The following PHKB variants were observed in gnomAD, a reference collection of about 807,000 sequenced individuals.
PHKB encodes the protein phosphorylase b kinase regulatory subunit beta.
In PHKB, 122 loss-of-function variants were observed where a neutral mutation model predicts 152.1. The observed-to-expected ratio is 0.80, with a 90% confidence interval of 0.69 to 0.93. PHKB has a LOEUF of 0.93. PHKB is among the 40% of genes least tolerant of loss of function. The probability of loss-of-function intolerance (pLI) is 0.00; values close to 1 mark genes in which losing one functional copy is unlikely to be tolerated. For synonymous variants in PHKB, 436 were observed against 464.9 expected (o/e 0.94, Z 0.80); for missense variants, 1,304 against 1,328.4 (o/e 0.98, Z 0.29).
At chr16:47,515,676 C>A in intron 6 of PHKB, 75 bp downstream of exon 6, 1 of 742,100 alleles carries the variant, frequency 1.3e-6, no homozygotes, top group South Asian at 1.5e-5. Flanking sequence ...GTTTTCACAA[C>A]TTATTTTTAG....
chr16:47,548,200 A>G (rs1053601604), intron 7 of PHKB: 3 of 152,620 alleles, frequency 2.0e-5, no homozygotes, highest in African/African-American at 7.2e-5. Flanking sequence ...TCATATTTTA[A>G]TAACAAAATA....
At chr16:47,562,810 T>C (rs1222614746) in intron 7 of PHKB, among the ~76,000 whole-genome samples, 3 of 152,242 alleles carry the variant, frequency 2.0e-5, no homozygotes, top group African/African-American at 7.2e-5. Flanking sequence ...TGCTGTTTGA[T>C]AGCATTATAC....
chr16:47,595,101 G>A lies in PHKB; in HGVS notation c.1204+887G>A, dbSNP rs368877610. On this transcript the variant is annotated intron_variant, in intron 12 of 30. Coordinates refer to ENST00000323584, the MANE Select transcript of PHKB (RefSeq NM_000293.3). The stretch of plus-strand genomic sequence containing the variant: ...TGCTACAAATAATCACTTGTCCAAT[G>A]TGAGAAATAATGTATTAAATTTTGT... 3.9e-5 allele frequency among the ~76,000 whole-genome samples: 6 copies of A among 152,278 alleles called. No individual in the cohort carries two copies. In the South Asian group the frequency reaches 6.2e-4, roughly 16 times the overall value.
chr16:47,690,891 T>A (rs1347312307), intron 27 of PHKB, among the ~76,000 whole-genome samples: 2 of 152,080 alleles, frequency 1.3e-5, no homozygotes, highest in African/African-American at 4.8e-5. Context: ...ATAAGACACA[T>A]CAAAATCATA....
intron 14 of PHKB, among the ~76,000 whole-genome samples, chr16:47,617,039 C>T (rs993268778): frequency 1.3e-5 from 2 of 151,834 alleles, no homozygotes; most frequent in African/African-American, 4.8e-5. Flanking sequence ...TCTGGTAAAC[C>T]AACAACCTTC....
At chr16:47,606,014 G>C (rs1057264199) in intron 13 of PHKB, among the ~76,000 whole-genome samples, 1 of 152,162 alleles carries the variant, frequency 6.6e-6, no homozygotes, top group East Asian at 1.9e-4. Context: ...TTGTTGTGAG[G>C]ATTAATGAAT....
rs772753297 is a variant in PHKB, at chr16:47,589,090, A to C, written c.1056A>C (p.Pro352=). 21 of 1,610,782 alleles carry C rather than the reference A, an allele frequency of 1.3e-5. No homozygotes were observed. The highest frequency in any genetic ancestry group is 1.7e-5 in the Non-Finnish European group (20 of 1,177,090). The part of the protein sequence containing the change: ...LEDPNRCYYK[P]AEIKLFDGIE... ...ATCCCAACAGATGCTACTACAAGCC[A>C]GCTGAAATTAAGGTATTAAAAAATA... is the stretch of plus-strand genomic sequence containing the variant. The change falls in exon 10 of 31, where the codon CCA becomes CCC. Residue 352 remains proline, a synonymous_variant. Coordinates refer to ENST00000323584, the MANE Select transcript of PHKB (RefSeq NM_000293.3).
chr16:47,696,557 G>A lies in PHKB; in HGVS notation c.3003+69G>A, dbSNP rs563886343. ...CTGCTCCGTGAAAACTAGTATAAGGGAAACTGCCTATGAGACCCAGAATCC... is the reference window on the plus strand; with the variant it reads ...CTGCTCCGTGAAAACTAGTATAAGGAAAACTGCCTATGAGACCCAGAATCC... On this transcript the variant is annotated intron_variant, in intron 29 of 30. Transcript: ENST00000323584. 1.0e-4 allele frequency: 90 copies of A among 870,892 alleles called. No individual in the cohort carries two copies. In the African/African-American group the frequency reaches 1.4e-3, roughly 14 times the overall value. 53.9% of individuals were successfully genotyped at this position (870,892 alleles called of 1,614,324 possible).
In PHKB at chr16:47,664,943, C is replaced by T; in HGVS notation, c.2395C>T (p.His799Tyr). Residue 799 changes from histidine to tyrosine, a missense_variant, in exon 25 of 31, where the codon CAC (histidine) becomes TAC (tyrosine). Transcript: ENST00000323584. Reference protein sequence around the residue: ...TQKFSSSIAPHITTFLVHGKQ... With the variant: ...TQKFSSSIAPYITTFLVHGKQ... ...GAAATTTTCTTCCTCTATAGCCCCACACATTACTACTTTTCTGGTACATGG... is the reference window on the plus strand; with the variant it reads ...GAAATTTTCTTCCTCTATAGCCCCATACATTACTACTTTTCTGGTACATGG... 1 of 1,613,322 alleles carries T rather than the reference C, an allele frequency of 6.2e-7. No individual in the cohort carries two copies. The highest frequency in any genetic ancestry group is 8.5e-7 in the Non-Finnish European group (1 of 1,179,320).
intron 7 of PHKB, among the ~76,000 whole-genome samples, chr16:47,555,727 A>T (rs1254293349): frequency 1.3e-5 from 2 of 152,168 alleles, no homozygotes; most frequent in African/African-American, 4.8e-5. Context: ...ATGTAAGATC[A>T]TGTTGGCTTA....
chr16:47,562,151 T>G (rs1971486346), intron 7 of PHKB: 1 of 152,240 alleles, frequency 6.6e-6, no homozygotes, highest in African/African-American at 2.4e-5. Flanking sequence ...AGGAGCATAA[T>G]GGCTTGAGGA....
chr16:47,691,562 G>A (rs1481485258), intron 27 of PHKB, among the ~76,000 whole-genome samples: 1 of 152,058 alleles, frequency 6.6e-6, no homozygotes, highest in Non-Finnish European at 1.5e-5. Flanking sequence ...AAAATTAGCT[G>A]GATGTGGCGG....
At chr16:47,512,382 A>G (rs2151649959) in intron 5 of PHKB, among the ~76,000 whole-genome samples, 1 of 152,320 alleles carries the variant, frequency 6.6e-6, no homozygotes, top group South Asian at 2.1e-4. Flanking sequence ...GTGCAAAAGA[A>G]GGAAGACTAC....
chr16:47,590,983 A>G (rs973926423), intron 10 of PHKB: 2 of 151,978 alleles, frequency 1.3e-5, no homozygotes, highest in Non-Finnish European at 2.9e-5. Flanking sequence ...ACTTACCTCC[A>G]TCTCTCTTGC....
chr16:47,673,414 A>G (rs1973670756), intron 26 of PHKB, among the ~76,000 whole-genome samples: 1 of 152,134 alleles, frequency 6.6e-6, no homozygotes, highest in South Asian at 2.1e-4. Context: ...GTGCCACATG[A>G]TATTGGAATT....
chr16:47,649,093 C>T lies in PHKB; in HGVS notation c.1693-7C>T, dbSNP rs1183659385. The T allele has an allele frequency of 9.8e-6, 15 of 1,527,640 alleles. No homozygotes were observed. The highest frequency in any genetic ancestry group is 3.4e-5 in the South Asian group (3 of 89,270). The allele number at this position is 1,527,640 out of a possible 1,614,324, so 94.6% of individuals were successfully genotyped here. ...AGTTATTTGTTTTAAAACTTTTTCC[C>T]TTACAGATTTATCGCATTCTAGGAA... On this transcript the variant is annotated splice_polypyrimidine_tract_variant and splice_region_variant and intron_variant, in intron 17 of 30. Transcript: ENST00000323584.
At chr16:47,553,882 A>G (rs956018153) in intron 7 of PHKB, among the ~76,000 whole-genome samples, 2 of 152,144 alleles carry the variant, frequency 1.3e-5, no homozygotes, top group Admixed American at 1.3e-4. Context: ...CAGAACGTCA[A>G]AGATTGCCAC....
rs1972076475 is a variant in PHKB, at chr16:47,594,039, A to G, written c.1127-98A>G. 1.0e-5 allele frequency: 7 copies of G among 668,776 alleles called. No homozygotes were observed. In the South Asian group the frequency reaches 1.1e-4, roughly 10 times the overall value. 41.4% of individuals were successfully genotyped at this position (668,776 alleles called of 1,614,324 possible). ...TTACCATTGGCATAGAAAATTACCAAAATAATTGTAACTGGGCTAATATAT... is the reference window on the plus strand; with the variant it reads ...TTACCATTGGCATAGAAAATTACCAGAATAATTGTAACTGGGCTAATATAT... On this transcript the variant is annotated intron_variant, in intron 11 of 30. Transcript: ENST00000323584.
intron 28 of PHKB, 139 bp downstream of exon 28, chr16:47,693,646 T>C: frequency 2.1e-6 from 2 of 971,482 alleles, no homozygotes; most frequent in Middle Eastern, 6.3e-4. Flanking sequence ...TACTAGAAAA[T>C]AAGACATCTA....
Sources: allele counts gnomAD v4.1 joint callset (sites outside exome capture counted in the v4.1 genomes callset), GRCh38; gene constraint gnomAD v4.1.1; transcripts MANE v1.5; gene names NCBI Gene and HGNC (gene_info 2026-07-23, HGNC 2026-07-21).